The following KCNA6 variants were observed in gnomAD, a reference collection of about 807,000 sequenced individuals.
KCNA6 encodes the protein potassium voltage-gated channel subfamily A member 6, also known as human brain potassium channel-2.
Under a neutral mutation model 29.5 loss-of-function variants are expected in KCNA6, and 17 were observed. The ratio of observed to expected loss-of-function variants is 0.58; its 90% CI spans 0.39 to 0.86. KCNA6 has a LOEUF of 0.86. Among genes scored for constraint, KCNA6 ranks in the 40% least tolerant of loss-of-function variants. KCNA6 has a pLI of 0.00. For missense variants in KCNA6, 450 were observed against 703.4 expected, an observed-to-expected ratio of 0.64 and a Z score of 4.07; for synonymous variants, 296 against 304.7, an observed-to-expected ratio of 0.97 and a Z score of 0.30.
At chr12:4,846,674 C>T in the KCNA6 span, among the ~76,000 whole-genome samples, 1 of 151,932 alleles carries the variant, frequency 6.6e-6, no homozygotes, top group South Asian at 2.1e-4. Flanking sequence ...ACCAGGCTCT[C>T]TCTCACCTTC....
At chr12:4,830,461 G>T in the KCNA6 span, among the ~76,000 whole-genome samples, 2 of 152,244 alleles carry the variant, frequency 1.3e-5, no homozygotes, top group Non-Finnish European at 2.9e-5. Flanking sequence ...GCTGTGTGGG[G>T]CTGGAGCCCC....
downstream of KCNA6, chr12:4,814,084 C>T (rs556374929): frequency 2.6e-4 from 44 of 167,176 alleles, no homozygotes; most frequent in South Asian, 1.5e-3. This position sits in a 1 kb window ranked among gnomAD's most constrained non-coding sequence, Gnocchi z 4.6. Context: ...TGCCAGGGCA[C>T]GGATGTGGGA....
the KCNA6 span, among the ~76,000 whole-genome samples, chr12:4,843,994 G>A: frequency 6.6e-6 from 1 of 152,172 alleles, no homozygotes; most frequent in Non-Finnish European, 1.5e-5. Context: ...GCTTGCCCAT[G>A]TCTCTCTCTT....
the KCNA6 span, among the ~76,000 whole-genome samples, chr12:4,820,252 A>T: frequency 1.8e-4 from 27 of 152,158 alleles, no homozygotes. Flanking sequence ...TCTTGGAAGA[A>T]TAGGATGGAT....
the KCNA6 span, among the ~76,000 whole-genome samples, chr12:4,839,829 T>C: frequency 1.3e-5 from 2 of 152,196 alleles, no homozygotes; most frequent in African/African-American, 4.8e-5. Flanking sequence ...GTAGCTTCAA[T>C]TATAATTCCC....
At chr12:4,809,919 C>T (rs1414731707) in exon 1 of KCNA6, 3 of 1,209,908 alleles carry the variant, frequency 2.5e-6, no homozygotes, top group Non-Finnish European at 3.4e-6. Flanking sequence ...AGACCGCGAA[C>T]CGGGAGGAGC....
the KCNA6 span, among the ~76,000 whole-genome samples, chr12:4,844,503 A>C: frequency 6.6e-6 from 1 of 152,188 alleles, no homozygotes; most frequent in Non-Finnish European, 1.5e-5. The surrounding 1 kb of genome is among the most constrained non-coding windows in gnomAD (Gnocchi z 4.0). Context: ...TAGGGGAAGG[A>C]CATGCTAAGC....
At chr12:4,836,352 T>C in the KCNA6 span, among the ~76,000 whole-genome samples, 1 of 152,164 alleles carries the variant, frequency 6.6e-6, no homozygotes, top group African/African-American at 2.4e-5. Context: ...TGAAGGCAGG[T>C]AACAGGTGGT....
chr12:4,818,217 C>T (rs559574552), downstream of KCNA6, among the ~76,000 whole-genome samples: 5 of 152,336 alleles, frequency 3.3e-5, no homozygotes, highest in Non-Finnish European at 7.3e-5. Flanking sequence ...TGCGTTGCAT[C>T]CTTCCCACTG....
At chr12:4,843,363 G>T in the KCNA6 span, among the ~76,000 whole-genome samples, 513 of 152,028 alleles carry the variant, frequency 3.4e-3, 6 homozygotes, top group African/African-American at 0.011. Context: ...TGTATTTTTA[G>T]TAGAGACAGG....
chr12:4,812,253 A>T (rs1946639742), exon 1 of KCNA6: 1 of 167,642 alleles, frequency 6.0e-6, no homozygotes, highest in Non-Finnish European at 1.5e-5. Flanking sequence ...TACCACTTGG[A>T]GGACACGGGG....
chr12:4,822,324 C>G, the KCNA6 span, among the ~76,000 whole-genome samples: 24 of 152,286 alleles, frequency 1.6e-4, no homozygotes, highest in Non-Finnish European at 2.4e-4. Context: ...ATACTCAGAG[C>G]CTTCCTGTGT....
chr12:4,828,647 T>C, the KCNA6 span, among the ~76,000 whole-genome samples: 5 of 152,230 alleles, frequency 3.3e-5, no homozygotes, highest in Non-Finnish European at 7.3e-5. Flanking sequence ...TAAGGGCTTA[T>C]GTGTACCAGC....
the KCNA6 span, among the ~76,000 whole-genome samples, chr12:4,836,899 C>T: frequency 7.9e-5 from 12 of 152,252 alleles, no homozygotes; most frequent in East Asian, 1.2e-3. Flanking sequence ...AGTGATATTG[C>T]GGAATATATA....
the KCNA6 span, among the ~76,000 whole-genome samples, chr12:4,849,835 A>C: frequency 6.6e-6 from 1 of 152,258 alleles, no homozygotes; most frequent in East Asian, 1.9e-4. Context: ...CAGTTTCACA[A>C]ACACCTTGTT....
the KCNA6 span, among the ~76,000 whole-genome samples, chr12:4,843,620 C>G: frequency 6.6e-6 from 1 of 152,278 alleles, no homozygotes; most frequent in African/African-American, 2.4e-5. Flanking sequence ...TTAATTGGCT[C>G]ACGGTTCTGT....
At chr12:4,838,765 T>G in the KCNA6 span, among the ~76,000 whole-genome samples, 94,350 of 152,084 alleles carry the variant, frequency 0.62, 29,619 homozygotes, top group Middle Eastern at 0.67. Flanking sequence ...GCAGATGGCT[T>G]CCTTCTCACT....
At chr12:4,846,385 C>T in the KCNA6 span, among the ~76,000 whole-genome samples, 1 of 152,156 alleles carries the variant, frequency 6.6e-6, no homozygotes, top group Non-Finnish European at 1.5e-5. Context: ...GACACATACC[C>T]ATCTCAACCA....
the KCNA6 span, among the ~76,000 whole-genome samples, chr12:4,841,027 A>G: frequency 2.6e-5 from 4 of 152,240 alleles, no homozygotes; most frequent in African/African-American, 9.6e-5. Flanking sequence ...CCTGATAAGC[A>G]GGAAGAAAAA....
Sources: allele counts gnomAD v4.1 joint callset (sites outside exome capture counted in the v4.1 genomes callset), GRCh38; gene constraint gnomAD v4.1.1; non-coding constraint Gnocchi (gnomAD v3.1); transcripts MANE v1.5; gene names NCBI Gene and HGNC (gene_info 2026-07-23, HGNC 2026-07-21).